The following TTC28 variants were observed in gnomAD, a reference collection of about 807,000 sequenced individuals.
TTC28 encodes the protein tetratricopeptide repeat domain 28, also known as tetratricopeptide repeat protein 28.
Under a neutral mutation model 198.0 loss-of-function variants are expected in TTC28, and 61 were observed. That is an observed-to-expected ratio of 0.31 (90% CI 0.25 to 0.38). The LOEUF is 0.38. Ranked by LOEUF, TTC28 falls within the 10% of genes least tolerant of loss-of-function variation. TTC28 has a pLI of 1.00. For missense variants in TTC28, 2,678 were observed against 3,164.0 expected (o/e 0.85, Z 3.69); for synonymous variants, 1,171 against 1,297.8 (o/e 0.90, Z 2.10).
chr22:28,340,332 G>C (rs1024973428), intron 2 of TTC28, among the ~76,000 whole-genome samples: 5 of 151,898 alleles, frequency 3.3e-5, no homozygotes, highest in African/African-American at 1.2e-4. Flanking sequence ...TATTTATAGA[G>C]TGGGTAACTG....
At chr22:28,097,276 T>G (rs1942006663) in intron 10 of TTC28, among the ~76,000 whole-genome samples, 1 of 152,240 alleles carries the variant, frequency 6.6e-6, no homozygotes, top group African/African-American at 2.4e-5. Context: ...AAAGGGCTAT[T>G]TTAAAGATTA....
Position 28,161,721 on chromosome 22 carries a change from A to AAGAGG in TTC28, c.1441+1366_1441+1370dup, listed in dbSNP as rs1329715969. ...GGAGAGGAGGGGAAAGAGGAAAGGAAAGAGGACAGGACAGGACAGGACAGG... is the reference window on the plus strand; with the variant it reads ...GGAGAGGAGGGGAAAGAGGAAAGGAAAGAGGAGAGGACAGGACAGGACAGGACAGG... On this transcript the variant is annotated intron_variant, in intron 6 of 22. Coordinates refer to ENST00000397906, the MANE Select transcript of TTC28 (RefSeq NM_001145418.2). Among the ~76,000 whole-genome samples the AAGAGG allele has an allele frequency of 4.2e-5, 6 of 141,854 alleles. No homozygotes were observed. The East Asian group carries it at 1.1e-3, about 26-fold the overall frequency. The allele number at this position is 141,854 out of a possible 152,430, so 93.1% of individuals were successfully genotyped here. A position where few individuals can be genotyped will look rare whatever the true frequency, so the allele number is the denominator to read the frequency against.
At chr22:28,078,935 GGAAA>G (rs776592485) in intron 12 of TTC28, among the ~76,000 whole-genome samples, 6 of 152,128 alleles carry the variant, frequency 3.9e-5, no homozygotes, top group Non-Finnish European at 8.8e-5. Context: ...CTCTAAGGTG[GGAAA>G]GCCCTTGGTG....
intron 2 of TTC28, among the ~76,000 whole-genome samples, chr22:28,317,140 A>G (rs773187764): frequency 2.8e-4 from 42 of 151,678 alleles, no homozygotes; most frequent in Non-Finnish European, 5.3e-4. Flanking sequence ...TTCTTTTCTG[A>G]GTGTTTCTGT....
chr22:28,187,875 G>A (rs987656000), intron 5 of TTC28, among the ~76,000 whole-genome samples: 8 of 152,168 alleles, frequency 5.3e-5, no homozygotes, highest in Admixed American at 1.3e-4. Context: ...TACCAGCTGC[G>A]TTCAAAGGCG....
chr22:28,223,853 C>G (rs1379719170), intron 5 of TTC28, among the ~76,000 whole-genome samples: 1 of 152,138 alleles, frequency 6.6e-6, no homozygotes, highest in Non-Finnish European at 1.5e-5. Context: ...TCACAAAAGC[C>G]TGATATTAAA....
chr22:28,506,503 A>C (rs1240701688), intron 2 of TTC28, among the ~76,000 whole-genome samples: 3 of 152,044 alleles, frequency 2.0e-5, no homozygotes, highest in Admixed American at 6.5e-5. Flanking sequence ...GAGAACACGA[A>C]CATTCTGGAC....
intron 2 of TTC28, among the ~76,000 whole-genome samples, chr22:28,544,604 A>G (rs2049495073): frequency 6.6e-6 from 1 of 152,196 alleles, no homozygotes; most frequent in Non-Finnish European, 1.5e-5. Flanking sequence ...TCTTAGTCAC[A>G]GGATGAGATA....
chr22:28,293,421 G>C (rs941379980), intron 5 of TTC28, among the ~76,000 whole-genome samples: 2 of 152,026 alleles, frequency 1.3e-5, no homozygotes, highest in Non-Finnish European at 2.9e-5. Context: ...TAAAATAGCT[G>C]AATTCATGCA....
intron 1 of TTC28, among the ~76,000 whole-genome samples, chr22:28,658,976 G>A (rs180773732): frequency 7.5e-4 from 114 of 152,188 alleles, no homozygotes; most frequent in African/African-American, 2.6e-3. Flanking sequence ...TAGCCTGGGT[G>A]ACAGAGTGAG....
intron 12 of TTC28, among the ~76,000 whole-genome samples, chr22:28,041,188 C>T (rs1241892284): frequency 6.6e-6 from 1 of 152,162 alleles, no homozygotes; most frequent in Non-Finnish European, 1.5e-5. Flanking sequence ...ATGCTATCCC[C>T]ATCAAGCTAC....
intron 2 of TTC28, among the ~76,000 whole-genome samples, chr22:28,493,355 CA>C (rs1395531448): frequency 4.0e-5 from 6 of 149,676 alleles, no homozygotes; most frequent in Non-Finnish European, 5.9e-5. Flanking sequence ...GACTGAGTCT[CA>C]AAAAAAAAAT....
At chr22:28,143,760 A>G (rs1397907933) in intron 6 of TTC28, among the ~76,000 whole-genome samples, 1 of 152,240 alleles carries the variant, frequency 6.6e-6, no homozygotes, top group Non-Finnish European at 1.5e-5. Context: ...AGAAGGTCTA[A>G]AATGTTAAAA....
intron 2 of TTC28, among the ~76,000 whole-genome samples, chr22:28,473,042 T>C (rs2048118980): frequency 6.6e-6 from 1 of 152,110 alleles, no homozygotes; most frequent in Non-Finnish European, 1.5e-5. Flanking sequence ...TAAAACACTA[T>C]TAATCTCATT....
intron 2 of TTC28, among the ~76,000 whole-genome samples, chr22:28,589,811 G>A (rs926056250): frequency 5.3e-5 from 8 of 151,770 alleles, no homozygotes; most frequent in Non-Finnish European, 8.8e-5. Context: ...AGGCCAAGGC[G>A]GGTAGATCAC....
chr22:28,450,876 C>T (rs1018225660), intron 2 of TTC28, among the ~76,000 whole-genome samples: 4 of 152,208 alleles, frequency 2.6e-5, no homozygotes, highest in Non-Finnish European at 4.4e-5. Flanking sequence ...ATAAGCAAAA[C>T]GAATGACATG....
chr22:28,137,553 C>T (rs1358524171), intron 6 of TTC28, among the ~76,000 whole-genome samples: 1 of 152,042 alleles, frequency 6.6e-6, no homozygotes. Context: ...GGGAGAATAT[C>T]CCATTCTGTT....
In TTC28 at chr22:28,054,376, T is replaced by C. The variant is rs181980968; in HGVS notation, c.3933-24010A>G. 7.2e-5 allele frequency among the ~76,000 whole-genome samples: 11 copies of C among 152,302 alleles called. No individual in the cohort carries two copies. In the East Asian group the frequency reaches 2.1e-3, roughly 29 times the overall value. On this transcript the variant is annotated intron_variant, in intron 12 of 22. Transcript: ENST00000397906. ...GGTCATGTCAGCTGGCTGCTATGTA[T>C]GCCAAACACAATGCAAAACCAATAT...
chr22:28,497,526 C>T (rs923409568), intron 2 of TTC28, among the ~76,000 whole-genome samples: 6 of 152,264 alleles, frequency 3.9e-5, no homozygotes, highest in African/African-American at 1.4e-4. Context: ...CCCCAAAACA[C>T]ATAAAGCTGA....
Sources: allele counts gnomAD v4.1 joint callset (sites outside exome capture counted in the v4.1 genomes callset), GRCh38; gene constraint gnomAD v4.1.1; transcripts MANE v1.5; gene names NCBI Gene and HGNC (gene_info 2026-07-23, HGNC 2026-07-21).